Variants in TACC2 observed in about 807,000 individuals in gnomAD.
The protein encoded by TACC2 is transforming acidic coiled-coil-containing protein 2.
In TACC2, 137 loss-of-function variants were observed where a neutral mutation model predicts 227.3. The ratio of observed to expected loss-of-function variants is 0.60; its 90% CI spans 0.52 to 0.69. The LOEUF (loss-of-function observed/expected upper bound fraction) is 0.69. TACC2 is among the 30% of genes least tolerant of loss of function. The pLI, the probability that TACC2 is intolerant of heterozygous loss-of-function variation, is 0.00. For missense variants in TACC2, 3,470 were observed against 3,694.4 expected, an observed-to-expected ratio of 0.94 and a Z score of 1.57; for synonymous variants, 1,523 against 1,487.5, an observed-to-expected ratio of 1.02 and a Z score of -0.55.
At chr10:122,108,254 A>G (rs1045907061) in intron 5 of TACC2, among the ~76,000 whole-genome samples, 3 of 152,010 alleles carry the variant, frequency 2.0e-5, no homozygotes, top group Admixed American at 2.0e-4. Flanking sequence ...ATGAGAACAT[A>G]CAATGTTTTG....
chr10:122,223,276 TC>T (rs1340235956), intron 11 of TACC2, among the ~76,000 whole-genome samples: 2 of 152,034 alleles, frequency 1.3e-5, no homozygotes, highest in African/African-American at 2.4e-5. Flanking sequence ...CCTCAAATGA[TC>T]CGCCAGCCTC....
chr10:122,083,594 A>C lies in TACC2; in HGVS notation c.1094A>C (p.Glu365Ala). ...CCAGAGGCTGGGGGCTCTGGGAAGG[A>C]GGCTCTGGACACCATTGATGTTCAG... ...LVPEAGGSGK[E>A]ALDTIDVQGH... The change falls in exon 4 of 23, where the codon GAG becomes GCG. Residue 365 changes from glutamate to alanine, a missense_variant. By Grantham distance (107) the Glu-to-Ala change is moderately radical (BLOSUM62 -1). This residue lies in a region of TACC2 where 1,924 missense variants were observed against 1,978.3 expected (regional missense o/e 0.97). Transcript: ENST00000369005. 1 of 1,612,454 alleles carries C rather than the reference A, an allele frequency of 6.2e-7. No homozygotes were observed. Among genetic ancestry groups the C allele is most frequent in the Non-Finnish European group, 8.5e-7 (1 of 1,179,976 alleles).
intron 1 of TACC2, among the ~76,000 whole-genome samples, chr10:122,008,953 A>T (rs1955592806): frequency 6.6e-6 from 1 of 152,214 alleles, no homozygotes; most frequent in Non-Finnish European, 1.5e-5. Flanking sequence ...CATTTTTTAA[A>T]GAATTTTCTA....
At chr10:122,015,248 T>C (rs1413529527) in intron 1 of TACC2, among the ~76,000 whole-genome samples, 1 of 151,970 alleles carries the variant, frequency 6.6e-6, no homozygotes, top group Non-Finnish European at 1.5e-5. Context: ...CTCATGCTTG[T>C]AATCCCAGCA....
In TACC2 at chr10:122,242,061, G is replaced by C. The variant is rs1238045487; in HGVS notation, c.8392+60G>C. 5 of 1,511,030 alleles carry C rather than the reference G, an allele frequency of 3.3e-6. No individual in the cohort carries two copies. The African/African-American group carries it at 5.5e-5, about 17-fold the overall frequency. The allele number at this position is 1,511,030 out of a possible 1,614,324, so 93.6% of individuals were successfully genotyped here. A position where few individuals can be genotyped will look rare whatever the true frequency, so the allele number is the denominator to read the frequency against. ...CCCGATGTTTCTGAACTATGAGGAGGCCTTGGAAGATAGGAGGCTCAGAGT... is the reference window on the plus strand; with the variant it reads ...CCCGATGTTTCTGAACTATGAGGAGCCCTTGGAAGATAGGAGGCTCAGAGT... On this transcript the variant is annotated intron_variant, in intron 19 of 22. Coordinates refer to ENST00000369005, the MANE Select transcript of TACC2 (RefSeq NM_206862.4).
At chr10:122,170,395 C>G (rs1465861482) in intron 7 of TACC2, among the ~76,000 whole-genome samples, 1 of 151,628 alleles carries the variant, frequency 6.6e-6, no homozygotes, top group Admixed American at 6.6e-5. Context: ...CTCAGCCTCC[C>G]AAGTAGCTGG....
chr10:122,024,183 C>T (rs866395637), intron 2 of TACC2, among the ~76,000 whole-genome samples: 1 of 152,032 alleles, frequency 6.6e-6, no homozygotes, highest in African/African-American at 2.4e-5. Flanking sequence ...GTCTGGGCAA[C>T]ATAGGGAGAC....
chr10:122,239,302 C>A (rs2095931729), intron 18 of TACC2, among the ~76,000 whole-genome samples: 1 of 152,246 alleles, frequency 6.6e-6, no homozygotes, highest in Non-Finnish European at 1.5e-5. Context: ...AGCCACTGCA[C>A]CCAGCCCCGA....
At position 122,087,023 on chromosome 10, in the gene TACC2, A is replaced by G; in HGVS notation, c.4523A>G (p.Asn1508Ser). 1.2e-6 allele frequency: 2 copies of G among 1,613,904 alleles called. No homozygotes were observed. Among genetic ancestry groups the G allele is most frequent in the Middle Eastern group, 3.3e-4 (2 of 6,062 alleles). ...LGPAGLTWERNLPGAGVGKEM... is the reference protein window; with the variant it reads ...LGPAGLTWERSLPGAGVGKEM... ...CCAGCAGGGCTGACCTGGGAGCGGA[A>G]CTTGCCAGGTGCCGGTGTGGGGAAG... Residue 1508 changes from asparagine to serine, a missense_variant, in exon 4 of 23, where the codon AAC (asparagine) becomes AGC (serine). This residue lies in a region of TACC2 where 1,924 missense variants were observed against 1,978.3 expected (regional missense o/e 0.97). Coordinates refer to ENST00000369005, the MANE Select transcript of TACC2 (RefSeq NM_206862.4).
At chr10:122,008,243 T>TTTTA (rs1554957915) in intron 1 of TACC2, among the ~76,000 whole-genome samples, 2 of 53,656 alleles carry the variant, frequency 3.7e-5, no homozygotes, top group African/African-American at 1.5e-4. Context: ...TGTCTATCCC[T>TTTTA]TTGTTATTAT....
chr10:122,018,930 T>C (rs1482461028), intron 1 of TACC2, among the ~76,000 whole-genome samples: 1 of 152,186 alleles, frequency 6.6e-6, no homozygotes, highest in Admixed American at 6.5e-5. Context: ...GGGAAGCCTT[T>C]GATGAAATAA....
chr10:122,171,962 G>A (rs1283504407), intron 7 of TACC2, among the ~76,000 whole-genome samples: 1 of 152,136 alleles, frequency 6.6e-6, no homozygotes, highest in Admixed American at 6.5e-5. Flanking sequence ...AAGGAAGGTG[G>A]GTGTTTACTG....
chr10:122,241,978 A>G lies in TACC2; in HGVS notation c.8369A>G (p.Glu2790Gly), dbSNP rs1423272950. 6.2e-7 allele frequency: 1 copy of G among 1,614,204 alleles called. No individual in the cohort carries two copies. Among genetic ancestry groups the G allele is most frequent in the Non-Finnish European group, 8.5e-7 (1 of 1,180,014 alleles). ...MEMRKIVAEY[E>G]KTIAQMIEDE... Reference sequence around the variant, plus strand: ...TATAGGAAAATAGTGGCCGAGTATGAGAAGACCATCGCTCAGATGATAGGT... The same window carrying G: ...TATAGGAAAATAGTGGCCGAGTATGGGAAGACCATCGCTCAGATGATAGGT... Residue 2790 changes from glutamate to glycine, a missense_variant, in exon 19 of 23, where the codon GAG becomes GGG. Coordinates refer to ENST00000369005, the MANE Select transcript of TACC2 (RefSeq NM_206862.4).
At chr10:122,149,374 C>T (rs968404193) in intron 7 of TACC2, among the ~76,000 whole-genome samples, 8 of 152,174 alleles carry the variant, frequency 5.3e-5, no homozygotes, top group Admixed American at 1.3e-4. Flanking sequence ...AGGAGGAAGC[C>T]GGATCCCCGG....
chr10:122,201,253 C>T (rs35643151), intron 8 of TACC2, among the ~76,000 whole-genome samples: 17 of 117,764 alleles, frequency 1.4e-4, no homozygotes, highest in Admixed American at 2.8e-4. Flanking sequence ...AGTGAGAGGA[C>T]GGCCACCTCA....
chr10:122,128,328 C>T (rs183275793), intron 5 of TACC2, among the ~76,000 whole-genome samples: 1 of 152,264 alleles, frequency 6.6e-6, no homozygotes, highest in Non-Finnish European at 1.5e-5. Context: ...GGCTGAGTGT[C>T]ATTGAGCAAG....
chr10:122,229,671 A>T (rs1195205285), intron 15 of TACC2, among the ~76,000 whole-genome samples, 185 bp downstream of exon 15: 1 of 152,190 alleles, frequency 6.6e-6, no homozygotes. Context: ...AAGTGATGTA[A>T]ATTGTGTGAT....
intron 2 of TACC2, among the ~76,000 whole-genome samples, chr10:122,028,290 A>C (rs1039021994): frequency 1.2e-4 from 18 of 150,064 alleles, no homozygotes; most frequent in Middle Eastern, 3.5e-3. Flanking sequence ...GAGTTTCACT[A>C]TGTTGGCCAG....
At chr10:122,216,602 G>A in intron 10 of TACC2, 25 bp from the exon 11 acceptor site, 1 of 1,608,174 alleles carries the variant, frequency 6.2e-7, no homozygotes, top group Non-Finnish European at 8.5e-7. Context: ...GATGAGACAA[G>A]AAACAGTTTC....
Sources: gnomAD v4.1 joint callset for allele counts (sites outside exome capture counted in the v4.1 genomes callset) on GRCh38, gnomAD v4.1.1 for gene constraint, gnomAD v4.1.1 regional missense constraint, MANE v1.5 for transcripts, NCBI Gene and HGNC (gene_info 2026-07-23, HGNC 2026-07-21) for gene names.